Variants in WNK3 observed in about 807,000 individuals in gnomAD.
WNK3 encodes serine/threonine-protein kinase WNK3.
WNK3 carries 18 observed loss-of-function variants against 116.7 expected under a neutral mutation model. That is an observed-to-expected ratio of 0.15 (90% confidence interval 0.11 to 0.23). The LOEUF is 0.23. Ranked by LOEUF, WNK3 falls within the 10% of genes least tolerant of loss-of-function variation. WNK3 has a pLI of 1.00. For missense variants in WNK3, 993 were observed against 1,323.8 expected (o/e 0.75, Z 3.88); for synonymous variants, 404 against 469.4 (o/e 0.86, Z 1.80).
chrX:54,330,144 C>T (rs1012994624), intron 2 of WNK3, among the ~76,000 whole-genome samples: 3 of 111,446 alleles, frequency 2.7e-5, no homozygotes, highest in Non-Finnish European at 3.8e-5. Context: ...GAGGCCGAGG[C>T]AGGCAGATCA....
At chrX:54,240,440 A>C in intron 17 of WNK3, among the ~76,000 whole-genome samples, 1 of 112,205 alleles carries the variant, frequency 8.9e-6, no homozygotes, top group Admixed American at 9.5e-5. Flanking sequence ...TGAGAAGAAA[A>C]AAATCAGTAT....
At chrX:54,299,233 A>G (rs1464608783) in intron 6 of WNK3, among the ~76,000 whole-genome samples, 1 of 111,427 alleles carries the variant, frequency 9.0e-6, no homozygotes, top group Non-Finnish European at 1.9e-5. Flanking sequence ...CTCTTCTTAC[A>G]CTACATAAAC....
intron 2 of WNK3, among the ~76,000 whole-genome samples, chrX:54,318,191 C>T (rs1557171417): frequency 9.3e-6 from 1 of 107,915 alleles, no homozygotes; most frequent in East Asian, 3.0e-4. Flanking sequence ...AAACCCCATT[C>T]TCTACTAAAA....
rs782603342 is a variant in WNK3, at chrX:54,236,456, T to C, written c.4628+482A>G. ...TTTCTTTTTTTTAAATGACCTATTT[T>C]ATAAAACTAAATACAAAACAGCATT... On this transcript the variant is annotated intron_variant, in intron 20 of 23. Coordinates refer to ENST00000354646, the Ensembl canonical transcript of WNK3. Among the ~76,000 whole-genome samples the C allele has an allele frequency of 4.5e-5, 5 of 111,188 alleles. No homozygotes were observed. In the East Asian group the frequency reaches 1.4e-3, roughly 31 times the overall value.
chrX:54,215,116 CA>C (rs60946524), intron 22 of WNK3, among the ~76,000 whole-genome samples: 5,320 of 29,411 alleles, frequency 0.18, 198 homozygotes, highest in African/African-American at 0.33. Flanking sequence ...GACTCCATCT[CA>C]AAAAAAAAAA....
intron 10 of WNK3, among the ~76,000 whole-genome samples, chrX:54,291,220 G>C (rs1557165006): frequency 3.6e-5 from 4 of 110,776 alleles, no homozygotes; most frequent in Non-Finnish European, 7.6e-5. Flanking sequence ...GGCTGTGGCA[G>C]AAGAATCGTT....
At chrX:54,228,402 T>C (rs1230139900) in intron 22 of WNK3, among the ~76,000 whole-genome samples, 2 of 111,992 alleles carry the variant, frequency 1.8e-5, no homozygotes, top group East Asian at 5.6e-4. Context: ...AACCACATAT[T>C]ATTGTGTAAC....
intron 10 of WNK3, among the ~76,000 whole-genome samples, chrX:54,289,037 G>A (rs2068610472): frequency 8.9e-6 from 1 of 112,088 alleles, no homozygotes; most frequent in Admixed American, 9.6e-5. Flanking sequence ...GACAGTGTCT[G>A]ATAAGCAAGC....
chrX:54,244,058 G>C (rs976001773), intron 17 of WNK3, among the ~76,000 whole-genome samples: 4 of 111,940 alleles, frequency 3.6e-5, no homozygotes, highest in Admixed American at 2.9e-4. Context: ...CAGATTTGTG[G>C]TTGCAAGGGG....
intron 23 of WNK3, among the ~76,000 whole-genome samples, chrX:54,199,050 T>C (rs1033675513): frequency 1.8e-5 from 2 of 111,730 alleles, no homozygotes; most frequent in Admixed American, 9.6e-5. Flanking sequence ...ATAATGAACA[T>C]TATTAGTTTA....
chrX:54,300,914 C>G (rs1402949034), intron 6 of WNK3, among the ~76,000 whole-genome samples: 1 of 111,219 alleles, frequency 9.0e-6, no homozygotes, highest in East Asian at 2.8e-4. Flanking sequence ...GACAAACCCA[C>G]CAATTTAAAG....
chrX:54,334,628 T>C (rs1342750826), intron 1 of WNK3, among the ~76,000 whole-genome samples: 2 of 110,261 alleles, frequency 1.8e-5, no homozygotes, highest in Non-Finnish European at 3.8e-5. Context: ...ATGGATTGGA[T>C]TGCTTCCACC....
intron 7 of WNK3, 80 bp downstream of exon 7, chrX:54,298,095 G>A: frequency 4.2e-6 from 3 of 708,356 alleles, no homozygotes; most frequent in Non-Finnish European, 6.6e-6. Context: ...AAAATGAGAG[G>A]AAAGAAAGCA....
Position 54,336,606 on chromosome X carries a change from T to C in WNK3, c.-119-2814A>G, listed in dbSNP as rs151241420. 1.4e-3 allele frequency among the ~76,000 whole-genome samples: 155 copies of C among 111,006 alleles called. 2 individuals are homozygous for C. The highest frequency in any genetic ancestry group is 4.8e-3 in the African/African-American group (148 of 30,592). Reference sequence around the variant, plus strand: ...GTGGTATCATGAGCAGTTGTTTACATGTGTATCAGAAGAAGCAGACAGATG... The same window carrying C: ...GTGGTATCATGAGCAGTTGTTTACACGTGTATCAGAAGAAGCAGACAGATG... On this transcript the variant is annotated intron_variant, in intron 1 of 23. Transcript: ENST00000354646.
intron 10 of WNK3, among the ~76,000 whole-genome samples, chrX:54,283,382 A>G (rs1557163112): frequency 1.8e-5 from 2 of 112,513 alleles, no homozygotes; most frequent in African/African-American, 6.4e-5. Flanking sequence ...CTATATGCAT[A>G]TAGAAAGATG....
chrX:54,294,999 C>A (rs1418042877), intron 7 of WNK3, 152 bp from the exon 8 acceptor site: 1 of 400,800 alleles, frequency 2.5e-6, no homozygotes, highest in African/African-American at 2.5e-5. Flanking sequence ...TAGGTTCAAG[C>A]GATTCTCCTG....
At chrX:54,217,269 G>A (rs1208565983) in intron 22 of WNK3, among the ~76,000 whole-genome samples, 1 of 97,691 alleles carries the variant, frequency 1.0e-5, no homozygotes, top group African/African-American at 3.9e-5. Context: ...ATTGAGCTGA[G>A]ATTGCACCAC....
chrX:54,348,561 G>A (rs782292274), intron 1 of WNK3, among the ~76,000 whole-genome samples: 1 of 111,951 alleles, frequency 8.9e-6, no homozygotes, highest in Non-Finnish European at 1.9e-5. Flanking sequence ...TAATACATGT[G>A]TATCTTTATA....
At chrX:54,295,296 C>T (rs1178954721) in intron 7 of WNK3, among the ~76,000 whole-genome samples, 1 of 110,020 alleles carries the variant, frequency 9.1e-6, no homozygotes, top group East Asian at 2.8e-4. Context: ...CAAAGACATA[C>T]ATAAATGCCA....
Sources: allele counts gnomAD v4.1 joint callset (sites outside exome capture counted in the v4.1 genomes callset), GRCh38; gene constraint gnomAD v4.1.1; transcripts MANE v1.5; gene names NCBI Gene and HGNC (gene_info 2026-07-23, HGNC 2026-07-21).